The following MYSM1 variants were observed in gnomAD, a reference collection of about 807,000 sequenced individuals.
MYSM1 encodes Myb like, SWIRM and MPN domains 1, also known as deubiquitinase MYSM1.
In MYSM1, 51 loss-of-function variants were observed where a neutral mutation model predicts 116.0. The observed-to-expected ratio is 0.44, with a 90% CI of 0.35 to 0.56. The LOEUF (loss-of-function observed/expected upper bound fraction) is 0.56, where lower values mean the gene tolerates loss of function less well. Ranked by LOEUF, MYSM1 falls within the 20% of genes least tolerant of loss-of-function variation. The pLI, the probability that MYSM1 is intolerant of heterozygous loss-of-function variation, is 0.00. For missense variants in MYSM1, 900 were observed against 974.9 expected (o/e 0.92, Z 1.02); for synonymous variants, 313 against 315.2 (o/e 0.99, Z 0.07).
chr1:58,694,514 G>A (rs551093379), intron 2 of MYSM1, among the ~76,000 whole-genome samples: 3 of 152,118 alleles, frequency 2.0e-5, no homozygotes, highest in African/African-American at 7.2e-5. Flanking sequence ...CCAGCTACTC[G>A]GGAGACTGAG....
intron 15 of MYSM1, 118 bp downstream of exon 15, chr1:58,667,729 C>G: frequency 1.5e-6 from 1 of 652,922 alleles, no homozygotes; most frequent in Non-Finnish European, 2.7e-6. Context: ...TTTGCATATT[C>G]TCATATATAT....
At chr1:58,672,428 T>C (rs911293967) in intron 11 of MYSM1, among the ~76,000 whole-genome samples, 3 of 152,082 alleles carry the variant, frequency 2.0e-5, no homozygotes, top group African/African-American at 7.2e-5. Context: ...ACCTCATCTT[T>C]AAAAATGGGA....
rs1644330815 is a variant in MYSM1 at position 58,657,259 on chromosome 1, A to G, written c.*2738T>C. ...GCCAGAAAAAAAAAAAAATTAGGTC[A>G]TTATTTTATAGTCATTGTGCAATAA... On this transcript the variant is annotated 3_prime_UTR_variant, in exon 20 of 20. Coordinates refer to ENST00000472487, the MANE Select transcript of MYSM1 (RefSeq NM_001085487.3). 1 of 151,668 alleles carries G rather than the reference A, an allele frequency of 6.6e-6. No individual in the cohort carries two copies. Among genetic ancestry groups the G allele is most frequent in the African/African-American group, 2.4e-5 (1 of 41,302 alleles). The allele number at this position is 151,668 out of a possible 1,614,324, so 9.4% of individuals were successfully genotyped here. A position where few individuals can be genotyped will look rare whatever the true frequency, so the allele number is the denominator to read the frequency against.
At chr1:58,660,362 T>C (rs1462987623) in intron 19 of MYSM1, among the ~76,000 whole-genome samples, 2 of 152,122 alleles carry the variant, frequency 1.3e-5, no homozygotes, top group African/African-American at 4.8e-5. Context: ...CTCAGCTTAG[T>C]ACTTTTATGA....
chr1:58,676,086 C>T (rs1321837123), intron 9 of MYSM1, among the ~76,000 whole-genome samples: 2 of 152,134 alleles, frequency 1.3e-5, no homozygotes, highest in African/African-American at 2.4e-5. Flanking sequence ...TGTACCTTAT[C>T]ACTTTGTAGC....
At chr1:58,681,485 C>T (rs1021684640) in intron 8 of MYSM1, among the ~76,000 whole-genome samples, 2 of 152,280 alleles carry the variant, frequency 1.3e-5, no homozygotes, top group South Asian at 2.1e-4. Context: ...TCCCTTTTCC[C>T]GTGCAGTGGT....
At position 58,666,003 on chromosome 1, in the gene MYSM1, G is replaced by A. The variant is rs150470253; in HGVS notation, c.2032-372C>T. The stretch of plus-strand genomic sequence containing the variant: ...ACCTGGGAGACAGAGGTTGCAGTGA[G>A]TCGAGATCCCACCACTGCACTCTAG... On this transcript the variant is annotated intron_variant, in intron 16 of 19. Coordinates refer to ENST00000472487, the MANE Select transcript of MYSM1 (RefSeq NM_001085487.3). 4.8e-3 allele frequency among the ~76,000 whole-genome samples: 736 copies of A among 152,092 alleles called. 10 individuals carry two copies. The highest frequency in any genetic ancestry group is 0.017 in the African/African-American group (687 of 41,494).
chr1:58,668,732 T>G, intron 13 of MYSM1, 50 bp from the exon 14 acceptor site: 1 of 1,530,120 alleles, frequency 6.5e-7, no homozygotes, highest in Non-Finnish European at 8.9e-7. Flanking sequence ...AATAGAGATT[T>G]TTGTTTTCCC....
At chr1:58,699,503 G>A (rs866507347) in intron 1 of MYSM1, 3 of 396,668 alleles carry the variant, frequency 7.6e-6, no homozygotes, top group African/African-American at 6.6e-5. Context: ...TCTAAAACCT[G>A]GCCCATTTAA....
At chr1:58,695,297 GGGAACTAAGCAAA>G in intron 1 of MYSM1, 90 bp from the exon 2 acceptor site, 1 of 764,382 alleles carries the variant, frequency 1.3e-6, no homozygotes, top group Non-Finnish European at 2.2e-6. Flanking sequence ...CAGGTAGTAA[GGGAACTAAGCAAA>G]TACTTAGTTC....
intron 8 of MYSM1, among the ~76,000 whole-genome samples, chr1:58,681,505 A>G (rs549577562): frequency 1.3e-5 from 2 of 152,312 alleles, no homozygotes; most frequent in Admixed American, 6.5e-5. Flanking sequence ...TGTTCTCTCT[A>G]TATCTTCCTA....
chr1:58,669,537 G>GA (rs1334372754), intron 12 of MYSM1, among the ~76,000 whole-genome samples: 1 of 152,116 alleles, frequency 6.6e-6, no homozygotes, highest in Non-Finnish European at 1.5e-5. Context: ...CTCTTCAAGT[G>GA]AAAAAGTGGC....
intron 12 of MYSM1, among the ~76,000 whole-genome samples, chr1:58,670,070 C>T (rs897121084): frequency 6.6e-6 from 1 of 152,102 alleles, no homozygotes; most frequent in South Asian, 2.1e-4. Context: ...CAGGGCAATT[C>T]CATTTCCATT....
In MYSM1 at chr1:58,675,484, T is replaced by C. The variant is rs1179658780; in HGVS notation, c.1487A>G (p.Gln496Arg). 1.2e-6 allele frequency: 2 copies of C among 1,609,340 alleles called. No homozygotes were observed. The highest frequency in any genetic ancestry group is 1.7e-5 in the Admixed American group (1 of 59,718). Residue 496 changes from glutamine (Q) to arginine (R), a missense_variant, in exon 10 of 20, where the codon CAG (glutamine) becomes CGG (arginine). This residue lies in a region of MYSM1 where 622 missense variants were observed against 623.7 expected (regional missense o/e 1.00). Coordinates refer to ENST00000472487, the MANE Select transcript of MYSM1 (RefSeq NM_001085487.3). ...VEAYQLAQRL[Q>R]SMRTRRRRVR... Reference sequence around the variant, plus strand: ...AGAGAGATGACTGCTTACCATAGACTGCAGACGCTGGGCAAGTTGGTATGC... The same window carrying C: ...AGAGAGATGACTGCTTACCATAGACCGCAGACGCTGGGCAAGTTGGTATGC...
In MYSM1 at chr1:58,667,787, A is replaced by G; in HGVS notation, c.1842+60T>C. 3.1e-6 allele frequency: 3 copies of G among 966,900 alleles called. No individual in the cohort carries two copies. In the South Asian group the frequency reaches 4.0e-5, roughly 13 times the overall value. The allele number at this position is 966,900 out of a possible 1,614,324, so 59.9% of individuals were successfully genotyped here. A position where few individuals can be genotyped will look rare whatever the true frequency, so the allele number is the denominator to read the frequency against. ...ATTATATTAACTGAATTCTATAAAA[A>G]TATTTGGTATGGTAGTAGGACTAAA... On this transcript the variant is annotated intron_variant, in intron 15 of 19. Transcript: ENST00000472487.
intron 1 of MYSM1, among the ~76,000 whole-genome samples, chr1:58,697,537 T>C (rs186558850): frequency 1.3e-5 from 2 of 149,906 alleles, no homozygotes; most frequent in African/African-American, 2.5e-5. Context: ...GTAAAGAACA[T>C]AAGAAAAGGA....
intron 4 of MYSM1, 25 bp from the exon 5 acceptor site, chr1:58,690,274 A>G: frequency 6.3e-7 from 1 of 1,574,932 alleles, no homozygotes; most frequent in South Asian, 1.2e-5. Flanking sequence ...AAAAGAAAAT[A>G]AGGAAGCGTG....
Position 58,682,153 on chromosome 1 carries a change from C to T in MYSM1, c.891G>A (p.Trp297Ter). Reference protein sequence around the residue: ...ETLSSSEITLWTEKQSNGDKK... With the variant: ...ETLSSSEITL ...TGTCACCATTGCTCTGTTTCTCAGT[C>T]CACAGTGTAATTTCTGAGCTTGAAA... is the stretch of plus-strand genomic sequence containing the variant. Residue 297 changes from tryptophan to a stop codon, truncating the protein, a stop_gained, in exon 8 of 20, where the codon TGG (tryptophan) becomes TGA (stop). Coordinates refer to ENST00000472487, the MANE Select transcript of MYSM1 (RefSeq NM_001085487.3). LOFTEE classifies it high-confidence loss of function. 6.2e-7 allele frequency: 1 copy of T among 1,613,254 alleles called. No individual in the cohort carries two copies. The highest frequency in any genetic ancestry group is 8.5e-7 in the Non-Finnish European group (1 of 1,179,400).
At chr1:58,663,852 T>A (rs1644429891) in intron 17 of MYSM1, among the ~76,000 whole-genome samples, 1 of 152,174 alleles carries the variant, frequency 6.6e-6, no homozygotes, top group Non-Finnish European at 1.5e-5. Context: ...TCGGCCTGGC[T>A]CTGGGTGGGT....
Sources: gnomAD v4.1 joint callset for allele counts (sites outside exome capture counted in the v4.1 genomes callset) on GRCh38, gnomAD v4.1.1 for gene constraint, gnomAD v4.1.1 regional missense constraint, MANE v1.5 for transcripts, NCBI Gene and HGNC (gene_info 2026-07-23, HGNC 2026-07-21) for gene names.